Variants in SLC2A14 observed in about 807,000 individuals in gnomAD.
SLC2A14 encodes the protein solute carrier family 2, facilitated glucose transporter member 14.
In SLC2A14, 13 loss-of-function variants were observed where a neutral mutation model predicts 43.0. The ratio of observed to expected loss-of-function variants is 0.30; its 90% CI spans 0.20 to 0.48. SLC2A14 has a LOEUF of 0.48. Among genes scored for constraint, SLC2A14 ranks in the 20% least tolerant of loss-of-function variants. The pLI is 0.99. For synonymous variants in SLC2A14, 190 were observed against 233.8 expected (o/e 0.81, Z 1.71); for missense variants, 428 against 620.4 (o/e 0.69, Z 3.29).
In SLC2A14 at chr12:7,862,264, C is replaced by CAAA. The variant is rs71038792; in HGVS notation, c.18+7596_18+7598dup. Among the ~76,000 whole-genome samples the CAAA allele has an allele frequency of 5.9e-3, 343 of 58,362 alleles. 9 individuals carry two copies. Among genetic ancestry groups the CAAA allele is most frequent in the Non-Finnish European group, 7.7e-3 (247 of 32,194 alleles). The allele number at this position is 58,362 out of a possible 152,430, so 38.3% of individuals were successfully genotyped here. Reference sequence around the variant, plus strand: ...GGGCTACAGAGCCAGACTTGTCTCTCAAAAAAAAAAAAAAAAAAAAAAAAG... The same window carrying CAAA: ...GGGCTACAGAGCCAGACTTGTCTCTCAAAAAAAAAAAAAAAAAAAAAAAAAAAG... On this transcript the variant is annotated intron_variant, in intron 2 of 10. Transcript: ENST00000431042.
intron 2 of SLC2A14, among the ~76,000 whole-genome samples, chr12:7,840,224 G>T (rs35110659): frequency 0.3 from 38,924 of 128,778 alleles, 6,240 homozygotes; most frequent in Middle Eastern, 0.51. Context: ...CACATCACTC[G>T]TCCCCCTAAT....
At chr12:7,871,302 TA>T in intron 1 of SLC2A14, 5 of 1,109,324 alleles carry the variant, frequency 4.5e-6, no homozygotes, top group South Asian at 2.8e-5. Flanking sequence ...CACCCATTGA[TA>T]AAAAAAGACA....
chr12:7,861,886 C>T (rs1026479031), intron 2 of SLC2A14, among the ~76,000 whole-genome samples: 2 of 150,364 alleles, frequency 1.3e-5, no homozygotes, highest in Non-Finnish European at 2.9e-5. Flanking sequence ...TGCTGGAACC[C>T]GGGAGGCAGA....
At chr12:7,844,362 T>C (rs1188769430) in intron 2 of SLC2A14, among the ~76,000 whole-genome samples, 2 of 152,166 alleles carry the variant, frequency 1.3e-5, no homozygotes, top group Non-Finnish European at 2.9e-5. Flanking sequence ...CTTTTGGCTA[T>C]GACAACATTT....
intron 2 of SLC2A14, among the ~76,000 whole-genome samples, chr12:7,858,911 T>A (rs1944397218): frequency 6.6e-6 from 1 of 152,186 alleles, no homozygotes. Flanking sequence ...CATTAACATT[T>A]ATGTTTTCTT....
chr12:7,831,715 G>C lies in SLC2A14; in HGVS notation c.161C>G (p.Pro54Arg), dbSNP rs746274878. 5.0e-6 allele frequency: 8 copies of C among 1,614,122 alleles called. No individual in the cohort carries two copies. Among genetic ancestry groups the C allele is most frequent in the Non-Finnish European group, 6.8e-6 (8 of 1,180,058 alleles). ...NKTLTDKANAPPSEVLLTNLW... is the reference protein window; with the variant it reads ...NKTLTDKANARPSEVLLTNLW... ...ATTCGTGAGCAGCACCTCAGAGGGAGGGGCATTTGCCTTGTCCGTCAAAGT... is the reference window on the plus strand; with the variant it reads ...ATTCGTGAGCAGCACCTCAGAGGGACGGGCATTTGCCTTGTCCGTCAAAGT... The change falls in exon 4 of 11, where the codon CCT becomes CGT. Residue 54 changes from proline to arginine, a missense_variant. Transcript: ENST00000431042.
At chr12:7,820,117 G>T (rs1863793834) in intron 8 of SLC2A14, among the ~76,000 whole-genome samples, 1 of 101,364 alleles carries the variant, frequency 9.9e-6, no homozygotes, top group African/African-American at 4.2e-5. Flanking sequence ...CCAGATATCT[G>T]AACCCGTGGA....
In SLC2A14 at chr12:7,829,882, C is replaced by T. The variant is rs755077699; in HGVS notation, c.397G>A (p.Gly133Arg). 32 of 1,614,012 alleles carry T rather than the reference C, an allele frequency of 2.0e-5. No homozygotes were observed. Among genetic ancestry groups the T allele is most frequent in the East Asian group, 4.5e-5 (2 of 44,874 alleles). Residue 133 changes from glycine (G) to arginine (R), a missense_variant, in exon 5 of 11, where the codon GGA becomes AGA. By Grantham distance (125) the Gly-to-Arg change is moderately radical. Transcript: ENST00000431042. ...LGRLVIGLFC[G>R]LCTGFVPMYI... ...ATGGGCACAAAACCTGTGCAGAGTC[C>T]GCAGAAGAGGCCAATAACCAAGCGG...
At chr12:7,860,499 G>A (rs1398095482) in intron 2 of SLC2A14, 1 of 152,090 alleles carries the variant, frequency 6.6e-6, no homozygotes, top group African/African-American at 2.4e-5. Flanking sequence ...ACTGAATGAG[G>A]ATTACCCCAA....
At chr12:7,873,124 T>A (rs1945333228), upstream of SLC2A14, 6 of 985,420 alleles carry the variant, frequency 6.1e-6, no homozygotes, top group South Asian at 1.9e-4. Context: ...TGGGGATCCC[T>A]CCGAGCGCCC....
intron 2 of SLC2A14, among the ~76,000 whole-genome samples, chr12:7,869,624 G>A (rs965634588): frequency 9.2e-5 from 14 of 152,072 alleles, no homozygotes; most frequent in African/African-American, 2.7e-4. Context: ...TTTATCATTC[G>A]TCTTGTTCTT....
At chr12:7,849,499 T>A (rs942469672) in intron 2 of SLC2A14, among the ~76,000 whole-genome samples, 6 of 151,916 alleles carry the variant, frequency 3.9e-5, no homozygotes, top group African/African-American at 1.5e-4. Context: ...GCAAGACTGT[T>A]ACACACATAA....
intron 2 of SLC2A14, among the ~76,000 whole-genome samples, chr12:7,848,598 C>T (rs1352988445): frequency 2.0e-5 from 3 of 151,170 alleles, no homozygotes; most frequent in Non-Finnish European, 4.4e-5. Context: ...TCTTGTCGCC[C>T]AGGCTGGAGT....
At chr12:7,827,045 T>TTC (rs781013405) in intron 7 of SLC2A14, among the ~76,000 whole-genome samples, 2 of 141,476 alleles carry the variant, frequency 1.4e-5, no homozygotes, top group East Asian at 4.1e-4. Context: ...TTTCTCTCCT[T>TTC]TCTCTCTCTC....
chr12:7,885,616 T>C (rs1945675325), intron 1 of SLC2A14, among the ~76,000 whole-genome samples: 1 of 151,732 alleles, frequency 6.6e-6, no homozygotes, highest in Non-Finnish European at 1.5e-5. Context: ...ATTTAGTATA[T>C]ACAAAAATCA....
intron 4 of SLC2A14, chr12:7,831,282 C>T (rs1374380575): frequency 4.8e-6 from 1 of 209,956 alleles, no homozygotes. Flanking sequence ...AAGTAATCAA[C>T]TTTGGACCTT....
At chr12:7,891,156 C>G (rs1169665746), upstream of SLC2A14, 2 of 1,527,290 alleles carry the variant, frequency 1.3e-6, no homozygotes, top group Non-Finnish European at 1.8e-6. Flanking sequence ...TGTGTGGGAG[C>G]AAAGCCAGCT....
chr12:7,822,757 G>C (rs1034593556), intron 7 of SLC2A14, among the ~76,000 whole-genome samples: 2 of 151,962 alleles, frequency 1.3e-5, no homozygotes, highest in African/African-American at 4.8e-5. Flanking sequence ...GCCCAGGCTG[G>C]TCCTAAACTC....
At chr12:7,882,767 G>C (rs372271434) in intron 1 of SLC2A14, among the ~76,000 whole-genome samples, 2 of 151,770 alleles carry the variant, frequency 1.3e-5, no homozygotes, top group African/African-American at 4.9e-5. Flanking sequence ...AACCCAGGAG[G>C]CAGAGGCTGC....
Sources: gnomAD v4.1 joint callset for allele counts (sites outside exome capture counted in the v4.1 genomes callset) on GRCh38, gnomAD v4.1.1 for gene constraint, MANE v1.5 for transcripts, NCBI Gene and HGNC (gene_info 2026-07-23, HGNC 2026-07-21) for gene names.